Variants in SEPTIN4 observed in about 807,000 individuals in gnomAD.
The protein encoded by SEPTIN4 is septin 4.
A neutral mutation model predicts 107.1 loss-of-function variants in SEPTIN4; 52 were observed. That is an observed-to-expected ratio of 0.49 (90% CI 0.39 to 0.61). SEPTIN4 has a LOEUF of 0.61. SEPTIN4 is among the 20% of genes least tolerant of loss of function. SEPTIN4 has a pLI of 0.00. For synonymous variants in SEPTIN4, 417 were observed against 467.0 expected (o/e 0.89, Z 1.38); for missense variants, 1,048 against 1,243.5 (o/e 0.84, Z 2.36).
At position 58,526,984 on chromosome 17, in the gene SEPTIN4, G is replaced by C; in HGVS notation, c.1615-6C>G. The stretch of plus-strand genomic sequence containing the variant: ...TCCTCCAGGAAACGCTTGATCTGGG[G>C]GAAGCGGGGTGGGTAGAATAGATGG... On this transcript the variant is annotated splice_region_variant and splice_polypyrimidine_tract_variant and intron_variant, in intron 3 of 13. Transcript: ENST00000672673. 1 of 1,614,044 alleles carries C rather than the reference G, an allele frequency of 6.2e-7. No individual in the cohort carries two copies. The highest frequency in any genetic ancestry group is 2.2e-5 in the East Asian group (1 of 44,880).
rs144006300 is a variant in SEPTIN4, at chr17:58,528,107, C to T, written c.1615-1129G>A. On this transcript the variant is annotated intron_variant, in intron 3 of 13. Transcript: ENST00000672673. ...CCACCCCCAGACAATGGACAAGGGCCGGCTGCAGAGGCTGACTCACTCTCT... is the reference window on the plus strand; with the variant it reads ...CCACCCCCAGACAATGGACAAGGGCTGGCTGCAGAGGCTGACTCACTCTCT... The T allele has an allele frequency of 3.4e-3, 3,044 of 907,484 alleles. 9 individuals carry two copies. Among genetic ancestry groups the T allele is most frequent in the Non-Finnish European group, 3.5e-3 (2,626 of 758,808 alleles). 56.2% of individuals were successfully genotyped at this position (907,484 alleles called of 1,614,324 possible).
intron 3 of SEPTIN4, chr17:58,527,528 G>A (rs955671508): frequency 1.3e-5 from 3 of 233,050 alleles, no homozygotes; most frequent in African/African-American, 2.3e-5. Context: ...CTGGTGAGCT[G>A]GGGGACTGGG....
At chr17:58,527,866 C>T in intron 3 of SEPTIN4, 2 of 985,798 alleles carry the variant, frequency 2.0e-6, no homozygotes, top group Non-Finnish European at 2.4e-6. Context: ...AGGGCCTGGC[C>T]TGAACCATGA....
At chr17:58,527,009 G>C (rs753733943) in intron 3 of SEPTIN4, 31 bp from the exon 4 acceptor site, 1 of 1,613,740 alleles carries the variant, frequency 6.2e-7, no homozygotes, top group Non-Finnish European at 8.5e-7. Context: ...AGAATAGATG[G>C]GTGGTGCCGG....
Position 58,522,061 on chromosome 17 carries a change from G to T in SEPTIN4, c.2257C>A (p.Gln753Lys). The T allele has an allele frequency of 3.1e-6, 5 of 1,614,226 alleles. No individual in the cohort carries two copies. Among genetic ancestry groups the T allele is most frequent in the Non-Finnish European group, 4.2e-6 (5 of 1,180,044 alleles). ...AGGCCACTCTCGTCTCGGAAATACT[G>T]CTCAAACTGCTGATCAATGTATTCT... is the stretch of plus-strand genomic sequence containing the variant. ...VAEYIDQQFE[Q>K]YFRDESGLNR... The change falls in exon 8 of 14, where the codon CAG becomes AAG. Residue 753 changes from glutamine (Q) to lysine (K), a missense_variant. Physicochemically the swap from Gln to Lys is moderately conservative, Grantham distance 53. This residue lies in a region of SEPTIN4 where 261 missense variants were observed against 371.7 expected (regional missense o/e 0.70). Transcript: ENST00000672673.
chr17:58,532,481 G>A (rs2043549939), intron 3 of SEPTIN4, among the ~76,000 whole-genome samples: 1 of 152,220 alleles, frequency 6.6e-6, no homozygotes, highest in South Asian at 2.1e-4. Context: ...AGTGAATCCG[G>A]CTGATGCCCA....
intron 3 of SEPTIN4, among the ~76,000 whole-genome samples, chr17:58,535,368 G>A (rs553337755): frequency 5.3e-5 from 8 of 152,276 alleles, no homozygotes; most frequent in Non-Finnish European, 7.4e-5. Flanking sequence ...AACACCCTCC[G>A]TGAACAGGGC....
chr17:58,526,723 G>A lies in SEPTIN4; in HGVS notation c.1870C>T (p.Arg624Cys), dbSNP rs374622944. ...GGATCAAGCTTGCCCCATGGGCTGC[G>A]GGGCCTGGCAGATGGGCTGAGAGGG... is the stretch of plus-strand genomic sequence containing the variant. ...PAPLSPSARP[R>C]SPWGKLDPYD... Residue 624 changes from arginine (R) to cysteine (C), a missense_variant, in exon 4 of 14, where the codon CGC becomes TGC. Arg to Cys is a radical substitution (Grantham distance 180). Around this residue, in one of 2 missense-constraint regions of SEPTIN4, gnomAD observed 787 missense variants for 871.8 expected, o/e 0.90. Transcript: ENST00000672673. The A allele has an allele frequency of 4.2e-5, 68 of 1,605,880 alleles. No homozygotes were observed. Among genetic ancestry groups the A allele is most frequent in the African/African-American group, 9.4e-5 (7 of 74,406 alleles).
intron 7 of SEPTIN4, among the ~76,000 whole-genome samples, chr17:58,524,218 G>A (rs915066547): frequency 4.6e-5 from 7 of 152,144 alleles, no homozygotes; most frequent in East Asian, 3.9e-4. Flanking sequence ...TGGAGGTAAC[G>A]GTCAGACCTA....
Position 58,522,120 on chromosome 17 carries a change from A to G in SEPTIN4, c.2217-19T>C, listed in dbSNP as rs370667822. 61 of 1,613,838 alleles carry G rather than the reference A, an allele frequency of 3.8e-5. No individual in the cohort carries two copies. Among genetic ancestry groups the G allele is most frequent in the Admixed American group, 1.7e-5 (1 of 60,014 alleles). On this transcript the variant is annotated intron_variant, in intron 7 of 13. Coordinates refer to ENST00000672673, the MANE Select transcript of SEPTIN4 (RefSeq NM_001368771.2). Reference sequence around the variant, plus strand: ...CTTCCAGCTGGGGCAGGGACAGACAAGCAGAGAAACTGTGAGAGTGGGAGC... The same window carrying G: ...CTTCCAGCTGGGGCAGGGACAGACAGGCAGAGAAACTGTGAGAGTGGGAGC...
intron 7 of SEPTIN4, among the ~76,000 whole-genome samples, chr17:58,523,303 G>T (rs1285814806): frequency 1.3e-5 from 2 of 151,370 alleles, no homozygotes; most frequent in Admixed American, 6.6e-5. Context: ...TGAGCCCGGG[G>T]AGCCCCGGGA....
intron 2 of SEPTIN4, 182 bp downstream of exon 2, chr17:58,541,740 A>G: frequency 6.5e-7 from 1 of 1,531,234 alleles, no homozygotes; most frequent in Non-Finnish European, 8.8e-7. Flanking sequence ...CCAAGCCCCA[A>G]AGAAATGACT....
At chr17:58,539,183 C>A in intron 3 of SEPTIN4, 1 of 1,534,474 alleles carries the variant, frequency 6.5e-7, no homozygotes, top group Non-Finnish European at 8.7e-7. Flanking sequence ...TGGGGAGCAG[C>A]TCTGCTGCTG....
Position 58,543,421 on chromosome 17 carries a change from T to C in SEPTIN4, c.766A>G (p.Ile256Val), listed in dbSNP as rs771163622. 18 of 1,614,080 alleles carry C rather than the reference T, an allele frequency of 1.1e-5. No individual in the cohort carries two copies. The highest frequency in any genetic ancestry group is 4.5e-5 in the East Asian group (2 of 44,892). ...TACAAGGCCTTGGGTTTTGAAGGAA[T>C]TGGACCGTAAGGACCTGTTTCTGAT... ...EESETGPYGPIPSKPKALYRN... is the reference protein window; with the variant it reads ...EESETGPYGPVPSKPKALYRN... Residue 256 changes from isoleucine to valine, a missense_variant, in exon 1 of 14, where the codon ATT (isoleucine) becomes GTT (valine). Physicochemically the swap from Ile to Val is conservative, Grantham distance 29. Coordinates refer to ENST00000672673, the MANE Select transcript of SEPTIN4 (RefSeq NM_001368771.2).
rs1377735424 is a variant in SEPTIN4 at position 58,538,950 on chromosome 17, T to C, written c.1614+1716A>G. On this transcript the variant is annotated intron_variant, in intron 3 of 13. Transcript: ENST00000672673. The surrounding 1 kb of genome is among the most constrained non-coding windows in gnomAD (Gnocchi z 4.7). ...ATGGAATCTGGAACAGACTCTATGG[T>C]CAACCATTCCCAGATCAGAGGAATC... 6.6e-6 allele frequency among the ~76,000 whole-genome samples: 1 copy of C among 152,168 alleles called. No homozygotes were observed. The highest frequency in any genetic ancestry group is 2.4e-5 in the African/African-American group (1 of 41,436).
In SEPTIN4 at chr17:58,521,490, C is replaced by T; in HGVS notation, c.2571+55G>A. On this transcript the variant is annotated intron_variant, in intron 10 of 13. Transcript: ENST00000672673. This position sits in a 1 kb window ranked among gnomAD's most constrained non-coding sequence, Gnocchi z 6.4. Reference sequence around the variant, plus strand: ...TAGCCTGAATATAGAATTCTACTCCCTTTTTCTACCCGGAAGAAATAAGAT... The same window carrying T: ...TAGCCTGAATATAGAATTCTACTCCTTTTTTCTACCCGGAAGAAATAAGAT... The T allele has an allele frequency of 2.5e-6, 4 of 1,599,716 alleles. No individual in the cohort carries two copies. Among genetic ancestry groups the T allele is most frequent in the Non-Finnish European group, 3.4e-6 (4 of 1,167,360 alleles).
intron 3 of SEPTIN4, among the ~76,000 whole-genome samples, chr17:58,533,672 C>T (rs1335704695): frequency 6.6e-6 from 1 of 152,006 alleles, no homozygotes; most frequent in Non-Finnish European, 1.5e-5. Flanking sequence ...ATCAGGGGAT[C>T]GGAAGCTGTA....
intron 1 of SEPTIN4, among the ~76,000 whole-genome samples, chr17:58,542,413 G>A (rs1020138087): frequency 6.6e-6 from 1 of 152,076 alleles, no homozygotes; most frequent in East Asian, 1.9e-4. Flanking sequence ...CCTGTCGCCC[G>A]GCCCAAGCAT....
chr17:58,529,493 G>A lies in SEPTIN4; in HGVS notation c.1615-2515C>T, dbSNP rs958336154. On this transcript the variant is annotated intron_variant, in intron 3 of 13. Coordinates refer to ENST00000672673, the MANE Select transcript of SEPTIN4 (RefSeq NM_001368771.2). ...GGCTGTCCCATGACGCCTGCCTGCT[G>A]CCTACCCTGGTGGGCACAGCACCAA... 20 of 1,253,602 alleles carry A rather than the reference G, an allele frequency of 1.6e-5. No homozygotes were observed. In the African/African-American group the frequency reaches 3.1e-4, roughly 19 times the overall value. The allele number at this position is 1,253,602 out of a possible 1,614,324, so 77.7% of individuals were successfully genotyped here.
Sources: allele counts gnomAD v4.1 joint callset (sites outside exome capture counted in the v4.1 genomes callset), GRCh38; gene constraint gnomAD v4.1.1; regional missense constraint gnomAD v4.1.1; non-coding constraint Gnocchi (gnomAD v3.1); transcripts MANE v1.5; gene names NCBI Gene and HGNC (gene_info 2026-07-23, HGNC 2026-07-21).